LMBR1: variants seen among roughly 807,000 people sequenced by gnomAD.
LMBR1 encodes limb development membrane protein 1.
Under a neutral mutation model 73.9 loss-of-function variants are expected in LMBR1, and 52 were observed. That is an observed-to-expected ratio of 0.70 (90% CI 0.56 to 0.89). The LOEUF (loss-of-function observed/expected upper bound fraction) is 0.89. Among genes scored for constraint, LMBR1 ranks in the 40% least tolerant of loss-of-function variants. The pLI is 0.00. For missense variants in LMBR1, 539 were observed against 579.8 expected (o/e 0.93, Z 0.72); for synonymous variants, 215 against 209.4 (o/e 1.03, Z -0.23).
intron 9 of LMBR1, among the ~76,000 whole-genome samples, chr7:156,753,311 G>A (rs942730710): frequency 6.6e-6 from 1 of 151,944 alleles, no homozygotes; most frequent in Non-Finnish European, 1.5e-5. Context: ...GGCCTGGGAG[G>A]TGAGCAAATG....
chr7:156,825,549 A>C (rs1293553090), intron 4 of LMBR1, among the ~76,000 whole-genome samples: 1 of 152,220 alleles, frequency 6.6e-6, no homozygotes, highest in Non-Finnish European at 1.5e-5. Context: ...GTACTCACAA[A>C]AATTAAAATT....
intron 15 of LMBR1, among the ~76,000 whole-genome samples, chr7:156,698,019 T>C (rs1299235007): frequency 2.0e-5 from 3 of 152,214 alleles, no homozygotes; most frequent in African/African-American, 7.2e-5. Context: ...GCAACAGGGA[T>C]ACAGGCATTG....
intron 1 of LMBR1, among the ~76,000 whole-genome samples, chr7:156,886,054 A>G (rs973921569): frequency 3.3e-5 from 5 of 152,056 alleles, no homozygotes; most frequent in African/African-American, 1.2e-4. Flanking sequence ...AAAGAAAAAA[A>G]AAAAAAAAAA....
chr7:156,679,952 G>A lies in LMBR1; in HGVS notation c.*4126C>T, dbSNP rs1041203049. The A allele has an allele frequency of 2.0e-5, 3 of 152,118 alleles. No individual in the cohort carries two copies. Among genetic ancestry groups the A allele is most frequent in the African/African-American group, 7.2e-5 (3 of 41,410 alleles). 9.4% of individuals were successfully genotyped at this position (152,118 alleles called of 1,614,324 possible). On this transcript the variant is annotated 3_prime_UTR_variant, in exon 17 of 17. Transcript: ENST00000353442. ...AAGTTAAATAACTTCTCTTGAAAAG[G>A]TAAGTTTATTGCCTAATATTCCTTC...
intron 1 of LMBR1, among the ~76,000 whole-genome samples, chr7:156,865,455 T>C (rs1478875922): frequency 6.6e-6 from 1 of 152,190 alleles, no homozygotes; most frequent in African/African-American, 2.4e-5. Flanking sequence ...TAGAAAGACA[T>C]CACATGTTCA....
In LMBR1 at chr7:156,893,092, A is replaced by G; in HGVS notation, c.-99T>C. On this transcript the variant is annotated 5_prime_UTR_variant, in exon 1 of 17. Transcript: ENST00000353442. ...CTCGGACAGCCGCGCCGGGGACCGGAGCCGGCACGGGCCCGCGAGCCGTGT... is the reference window on the plus strand; with the variant it reads ...CTCGGACAGCCGCGCCGGGGACCGGGGCCGGCACGGGCCCGCGAGCCGTGT... The G allele has an allele frequency of 8.2e-7, 1 of 1,212,160 alleles. No homozygotes were observed. The highest frequency in any genetic ancestry group is 1.1e-6 in the Non-Finnish European group (1 of 947,980). The allele number at this position is 1,212,160 out of a possible 1,614,324, so 75.1% of individuals were successfully genotyped here.
intron 8 of LMBR1, among the ~76,000 whole-genome samples, chr7:156,758,466 C>T (rs889269516): frequency 1.3e-5 from 2 of 152,260 alleles, no homozygotes; most frequent in Admixed American, 6.5e-5. Flanking sequence ...ATCTGATCCC[C>T]AGTATTGGAG....
intron 1 of LMBR1, among the ~76,000 whole-genome samples, chr7:156,849,256 A>G (rs1377067459): frequency 1.3e-5 from 2 of 152,184 alleles, no homozygotes; most frequent in East Asian, 1.9e-4. Context: ...GTGAACTAAC[A>G]CAAGAACAGG....
intron 1 of LMBR1, among the ~76,000 whole-genome samples, chr7:156,853,389 C>G (rs1359819002): frequency 6.6e-6 from 1 of 151,586 alleles, no homozygotes; most frequent in Non-Finnish European, 1.5e-5. Flanking sequence ...CAGATCATTC[C>G]AAACTACTTA....
Position 156,710,201 on chromosome 7 carries a change from G to A in LMBR1, c.1225+13911C>T, listed in dbSNP as rs35729337. 3.9e-3 allele frequency among the ~76,000 whole-genome samples: 586 copies of A among 151,998 alleles called. 1 individual carries two copies. Among genetic ancestry groups the A allele is most frequent in the Non-Finnish European group, 4.7e-3 (319 of 67,980 alleles). ...ATTACAGGCATGAGCCACCGTGCCC[G>A]GCCCAGAAGGTTGATTATTAAGCTA... On this transcript the variant is annotated intron_variant, in intron 15 of 16. Transcript: ENST00000353442.
At chr7:156,735,605 T>C (rs1235727115) in intron 9 of LMBR1, among the ~76,000 whole-genome samples, 1 of 151,418 alleles carries the variant, frequency 6.6e-6, no homozygotes, top group East Asian at 1.9e-4. Flanking sequence ...GAGGTTCTGT[T>C]TGCTAGGGTT....
intron 15 of LMBR1, among the ~76,000 whole-genome samples, chr7:156,698,467 C>T (rs993312180): frequency 6.6e-6 from 1 of 152,242 alleles, no homozygotes; most frequent in African/African-American, 2.4e-5. Context: ...CAGCAAACTT[C>T]TGCCTGGGAA....
At chr7:156,834,495 C>A in intron 2 of LMBR1, 3 of 287,248 alleles carry the variant, frequency 1.0e-5, no homozygotes, top group Admixed American at 4.4e-5. Flanking sequence ...GCAGGATACT[C>A]AGGAGGCTGA....
chr7:156,804,041 C>T (rs1284736735), intron 4 of LMBR1, among the ~76,000 whole-genome samples: 2 of 150,982 alleles, frequency 1.3e-5, no homozygotes, highest in Non-Finnish European at 2.9e-5. Context: ...ATACCTAATG[C>T]TAAATGAGGA....
At chr7:156,831,294 G>A in intron 3 of LMBR1, among the ~76,000 whole-genome samples, 1 of 36,340 alleles carries the variant, frequency 2.8e-5, no homozygotes, top group East Asian at 8.0e-4. Context: ...TTTTTTTTTT[G>A]GCAAATGCTA....
chr7:156,853,855 C>A (rs1299337659), intron 1 of LMBR1, among the ~76,000 whole-genome samples: 1 of 151,774 alleles, frequency 6.6e-6, no homozygotes, highest in Non-Finnish European at 1.5e-5. Flanking sequence ...GGGGCTTCAT[C>A]ATGTTGGCCA....
intron 1 of LMBR1, among the ~76,000 whole-genome samples, chr7:156,841,568 G>A (rs576603200): frequency 6.6e-6 from 1 of 152,244 alleles, no homozygotes; most frequent in African/African-American, 2.4e-5. Context: ...GGCAAACCAA[G>A]AGACTAGATG....
rs1810932663 is a variant in LMBR1 at position 156,706,335 on chromosome 7, A to G, written c.1225+17777T>C. ...CAATGAAATAATGGTGGTGGACTTC[A>G]ACACCCTATTCATAGCTTATCGAGA... On this transcript the variant is annotated intron_variant, in intron 15 of 16. Coordinates refer to ENST00000353442, the MANE Select transcript of LMBR1 (RefSeq NM_022458.4). Among the ~76,000 whole-genome samples, 5 of 152,286 alleles carry G rather than the reference A, an allele frequency of 3.3e-5. No homozygotes were observed. The South Asian group carries it at 1.0e-3, about 32-fold the overall frequency.
intron 5 of LMBR1, among the ~76,000 whole-genome samples, chr7:156,793,499 T>C (rs1391085311): frequency 6.6e-6 from 1 of 152,240 alleles, no homozygotes; most frequent in African/African-American, 2.4e-5. Flanking sequence ...CTAGCTGTAA[T>C]GCTCAAGCTG....
Sources: gnomAD v4.1 joint callset for allele counts (sites outside exome capture counted in the v4.1 genomes callset) on GRCh38, gnomAD v4.1.1 for gene constraint, MANE v1.5 for transcripts, NCBI Gene and HGNC (gene_info 2026-07-23, HGNC 2026-07-21) for gene names.